Variants in RNFT2 observed in about 807,000 individuals in gnomAD.
RNFT2 encodes the protein ring finger protein, transmembrane 2.
Under a neutral mutation model 53.0 loss-of-function variants are expected in RNFT2, and 36 were observed. That is an observed-to-expected ratio of 0.68 (90% CI 0.52 to 0.90). RNFT2 has a LOEUF of 0.90. Among genes scored for constraint, RNFT2 ranks in the 40% least tolerant of loss-of-function variants. The pLI is 0.00. For synonymous variants in RNFT2, 260 were observed against 253.2 expected, an observed-to-expected ratio of 1.03 and a Z score of -0.26; for missense variants, 514 against 585.6, an observed-to-expected ratio of 0.88 and a Z score of 1.26.
chr12:116,838,442 A>G (rs769095913), intron 10 of RNFT2, among the ~76,000 whole-genome samples: 1 of 152,058 alleles, frequency 6.6e-6, no homozygotes, highest in Non-Finnish European at 1.5e-5. Context: ...GTCAGAAGGC[A>G]CACAGTTTTG....
At chr12:116,797,731 G>C (rs1362895221) in intron 7 of RNFT2, among the ~76,000 whole-genome samples, 1 of 150,020 alleles carries the variant, frequency 6.7e-6, no homozygotes, top group African/African-American at 2.4e-5. Context: ...ACAGCACCGT[G>C]ACTACTCCTG....
At chr12:116,819,048 C>T (rs533657856) in intron 7 of RNFT2, among the ~76,000 whole-genome samples, 4 of 152,338 alleles carry the variant, frequency 2.6e-5, no homozygotes, top group Admixed American at 6.5e-5. Flanking sequence ...ATTCCTTTAT[C>T]CCTCTGATCC....
intron 5 of RNFT2, among the ~76,000 whole-genome samples, chr12:116,762,678 G>A (rs1312751690): frequency 6.6e-6 from 1 of 151,222 alleles, no homozygotes; most frequent in Non-Finnish European, 1.5e-5. Flanking sequence ...CTCCCAAGTA[G>A]CGAGATTACA....
Position 116,851,653 on chromosome 12 carries a change from A to T in RNFT2, c.*2205A>T, listed in dbSNP as rs1221097303. ...TACTCAGGAGGCTAAGGCAGGGAGA[A>T]CTGCTTGAACTCGGGAGGTGAAAGT... On this transcript the variant is annotated 3_prime_UTR_variant, in exon 11 of 11. Transcript: ENST00000257575. The T allele has an allele frequency of 4.8e-6, 3 of 628,346 alleles. No homozygotes were observed. Among genetic ancestry groups the T allele is most frequent in the Admixed American group, 5.2e-5 (2 of 38,696 alleles). The allele number at this position is 628,346 out of a possible 1,614,324, so 38.9% of individuals were successfully genotyped here. A position where few individuals can be genotyped will look rare whatever the true frequency, so the allele number is the denominator to read the frequency against.
At chr12:116,750,838 ATT>A (rs1872177892) in intron 4 of RNFT2, among the ~76,000 whole-genome samples, 1 of 13,928 alleles carries the variant, frequency 7.2e-5, no homozygotes, top group East Asian at 1.8e-3. Flanking sequence ...TAATATATAT[ATT>A]ATATATATAT....
intron 10 of RNFT2, among the ~76,000 whole-genome samples, chr12:116,844,980 C>T (rs999104062): frequency 1.3e-5 from 2 of 152,056 alleles, no homozygotes; most frequent in Admixed American, 6.6e-5. Context: ...TGGTGGCTCA[C>T]ACCTATAATC....
At chr12:116,846,421 C>T (rs1877615319) in intron 10 of RNFT2, among the ~76,000 whole-genome samples, 1 of 127,856 alleles carries the variant, frequency 7.8e-6, no homozygotes, top group Admixed American at 8.5e-5. Flanking sequence ...ACGGCACATG[C>T]CACCATGCCC....
At chr12:116,828,955 C>G (rs965517327) in intron 7 of RNFT2, among the ~76,000 whole-genome samples, 1 of 151,480 alleles carries the variant, frequency 6.6e-6, no homozygotes, top group Admixed American at 6.6e-5. Context: ...GGAGACCAGC[C>G]TGGGCAACAT....
chr12:116,772,009 A>G (rs4767450), intron 6 of RNFT2, among the ~76,000 whole-genome samples: 144,908 of 152,320 alleles, frequency 0.95, 68,979 homozygotes, highest in African/African-American at 0.98. Flanking sequence ...ATGTTTTTTA[A>G]TGAGTTTGTT....
chr12:116,806,888 T>G (rs1319811985), intron 7 of RNFT2, among the ~76,000 whole-genome samples: 12 of 152,352 alleles, frequency 7.9e-5, no homozygotes, highest in Non-Finnish European at 1.6e-4. Context: ...AACCTCTTAT[T>G]CTTTGAATGT....
At chr12:116,841,834 A>AATAT (rs1235996836) in intron 10 of RNFT2, among the ~76,000 whole-genome samples, 1 of 30,144 alleles carries the variant, frequency 3.3e-5, no homozygotes, top group African/African-American at 1.5e-4. Flanking sequence ...TATATATATA[A>AATAT]ATATATATAT....
chr12:116,786,140 A>G (rs1873925550), intron 7 of RNFT2, among the ~76,000 whole-genome samples: 1 of 142,016 alleles, frequency 7.0e-6, no homozygotes, highest in African/African-American at 2.6e-5. Flanking sequence ...TTTTTTTTTG[A>G]GACAGAGTTT....
At chr12:116,770,633 C>T (rs114689015) in intron 6 of RNFT2, among the ~76,000 whole-genome samples, 1,761 of 152,172 alleles carry the variant, frequency 0.012, 38 homozygotes, top group African/African-American at 0.041. Flanking sequence ...ATCACACTCA[C>T]TGAAACCTTG....
At chr12:116,841,546 G>A (rs531629650) in intron 10 of RNFT2, among the ~76,000 whole-genome samples, 6 of 150,620 alleles carry the variant, frequency 4.0e-5, no homozygotes, top group African/African-American at 1.2e-4. Flanking sequence ...TCAGGAGTTC[G>A]AGACCAGCCT....
At chr12:116,751,348 C>T (rs1396366946) in intron 4 of RNFT2, among the ~76,000 whole-genome samples, 1 of 152,150 alleles carries the variant, frequency 6.6e-6, no homozygotes, top group Non-Finnish European at 1.5e-5. Flanking sequence ...ATAAAGTGCT[C>T]AGCCTCCTAT....
intron 7 of RNFT2, among the ~76,000 whole-genome samples, chr12:116,821,867 A>AGTGCATG (rs1161196717): frequency 9.4e-6 from 1 of 106,760 alleles, no homozygotes; most frequent in Non-Finnish European, 1.7e-5. Context: ...CCCAGGCTGG[A>AGTGCATG]GTGCATGGAG....
chr12:116,822,106 G>T (rs1362644574), intron 7 of RNFT2, among the ~76,000 whole-genome samples: 1 of 151,978 alleles, frequency 6.6e-6, no homozygotes. Flanking sequence ...AAGTGCTGGA[G>T]TTACAGGTGT....
intron 7 of RNFT2, among the ~76,000 whole-genome samples, chr12:116,793,640 T>G (rs141695093): frequency 2.2e-3 from 333 of 152,314 alleles, no homozygotes; most frequent in Non-Finnish European, 3.6e-3. Context: ...CCCAGCGCCT[T>G]CCTTCTCAGG....
At chr12:116,746,766 T>C (rs1431912596) in intron 3 of RNFT2, among the ~76,000 whole-genome samples, 1 of 152,146 alleles carries the variant, frequency 6.6e-6, no homozygotes, top group Admixed American at 6.5e-5. Context: ...GGGAATGATA[T>C]TTGTACCTGT....
Sources: gnomAD v4.1 joint callset for allele counts (sites outside exome capture counted in the v4.1 genomes callset) on GRCh38, gnomAD v4.1.1 for gene constraint, MANE v1.5 for transcripts, NCBI Gene and HGNC (gene_info 2026-07-23, HGNC 2026-07-21) for gene names.